NXPH2: variants seen among roughly 807,000 people sequenced by gnomAD.
NXPH2 encodes neurexophilin-2.
A neutral mutation model predicts 19.8 loss-of-function variants in NXPH2; 5 were observed. The ratio of observed to expected loss-of-function variants is 0.25; its 90% CI spans 0.13 to 0.53. The LOEUF (loss-of-function observed/expected upper bound fraction) is 0.53, where lower values mean the gene tolerates loss of function less well. Ranked by LOEUF, NXPH2 falls within the 20% of genes least tolerant of loss-of-function variation. The pLI is 0.96. For missense variants in NXPH2, 289 were observed against 322.8 expected (o/e 0.90, Z 0.80); for synonymous variants, 154 against 127.4 (o/e 1.21, Z -1.41).
At chr2:138,697,723 A>C (rs554336349) in intron 1 of NXPH2, among the ~76,000 whole-genome samples, 5 of 151,848 alleles carry the variant, frequency 3.3e-5, no homozygotes, top group African/African-American at 1.2e-4. Flanking sequence ...AAAATAATGC[A>C]ATATGTTTGA....
At chr2:138,745,494 G>C (rs1372340105) in intron 1 of NXPH2, among the ~76,000 whole-genome samples, 2 of 9,624 alleles carry the variant, frequency 2.1e-4, no homozygotes, top group African/African-American at 6.4e-4. Flanking sequence ...TTTTTTTGGC[G>C]GGGGGGGGGG....
intron 1 of NXPH2, among the ~76,000 whole-genome samples, chr2:138,763,893 G>A (rs921208345): frequency 1.3e-5 from 2 of 152,154 alleles, no homozygotes; most frequent in Non-Finnish European, 2.9e-5. Flanking sequence ...TGTCAAGGGA[G>A]TTACTGAGTG....
intron 1 of NXPH2, among the ~76,000 whole-genome samples, chr2:138,741,279 C>A (rs1024804780): frequency 6.6e-6 from 1 of 152,122 alleles, no homozygotes; most frequent in Non-Finnish European, 1.5e-5. Flanking sequence ...TCTGGCCAAG[C>A]GACTGCTGGC....
At chr2:138,775,869 C>T (rs1682253087) in intron 1 of NXPH2, among the ~76,000 whole-genome samples, 1 of 152,120 alleles carries the variant, frequency 6.6e-6, no homozygotes. Context: ...CAGCTTCTAA[C>T]CAGCAATAAT....
At chr2:138,770,717 A>C (rs1394206181) in intron 1 of NXPH2, among the ~76,000 whole-genome samples, 1 of 152,122 alleles carries the variant, frequency 6.6e-6, no homozygotes, top group Admixed American at 6.5e-5. Context: ...CATAAAAAAG[A>C]TATCCATAAC....
At chr2:138,746,714 T>C (rs2105009408) in intron 1 of NXPH2, among the ~76,000 whole-genome samples, 1 of 152,310 alleles carries the variant, frequency 6.6e-6, no homozygotes, top group Admixed American at 6.5e-5. Flanking sequence ...CCTCTCTTAC[T>C]TAAAGCTCCA....
At chr2:138,754,241 A>G (rs1681867328) in intron 1 of NXPH2, among the ~76,000 whole-genome samples, 1 of 152,200 alleles carries the variant, frequency 6.6e-6, no homozygotes. Context: ...GGAAAATTGT[A>G]TGGACTTTAA....
At chr2:138,680,678 A>G (rs1414497398) in intron 1 of NXPH2, among the ~76,000 whole-genome samples, 1 of 152,210 alleles carries the variant, frequency 6.6e-6, no homozygotes, top group Admixed American at 6.5e-5. Context: ...AGGGTAAGCA[A>G]CAGGGCAGGG....
chr2:138,710,543 A>G (rs567935786), intron 1 of NXPH2, among the ~76,000 whole-genome samples: 1 of 152,178 alleles, frequency 6.6e-6, no homozygotes, highest in Non-Finnish European at 1.5e-5. Flanking sequence ...CAAGGGTTCC[A>G]GTTTGCAGCT....
At chr2:138,704,437 A>G (rs990039888) in intron 1 of NXPH2, among the ~76,000 whole-genome samples, 1 of 152,218 alleles carries the variant, frequency 6.6e-6, no homozygotes, top group African/African-American at 2.4e-5. Context: ...TTGATATTAG[A>G]ACATTATTTA....
chr2:138,712,563 G>A (rs1007189175), intron 1 of NXPH2, among the ~76,000 whole-genome samples: 1 of 152,060 alleles, frequency 6.6e-6, no homozygotes. Context: ...CCCCAAATTC[G>A]GTGGCAGCAC....
intron 1 of NXPH2, among the ~76,000 whole-genome samples, chr2:138,721,339 G>GA (rs141871590): frequency 2.6e-3 from 369 of 140,700 alleles, no homozygotes; most frequent in Admixed American, 6.9e-3. Flanking sequence ...GACTCCGTCT[G>GA]AAAAAAAAAA....
intron 1 of NXPH2, among the ~76,000 whole-genome samples, chr2:138,720,268 T>C (rs191345785): frequency 3.9e-5 from 6 of 152,362 alleles, no homozygotes; most frequent in Admixed American, 2.6e-4. Flanking sequence ...TGGGAGAGTC[T>C]TGTCTTCTTA....
At chr2:138,742,010 A>C (rs1681651513) in intron 1 of NXPH2, among the ~76,000 whole-genome samples, 1 of 152,218 alleles carries the variant, frequency 6.6e-6, no homozygotes, top group African/African-American at 2.4e-5. Context: ...AGTCAATTCC[A>C]TGCCATCATT....
intron 1 of NXPH2, among the ~76,000 whole-genome samples, chr2:138,736,295 C>A (rs1356373700): frequency 6.6e-6 from 1 of 152,234 alleles, no homozygotes; most frequent in Non-Finnish European, 1.5e-5. Flanking sequence ...CCTGGGCATC[C>A]AAGCATTTCC....
chr2:138,713,412 T>C (rs1681135689), intron 1 of NXPH2, among the ~76,000 whole-genome samples: 1 of 152,192 alleles, frequency 6.6e-6, no homozygotes, highest in Non-Finnish European at 1.5e-5. Context: ...GGAGACAAGA[T>C]AAAAGCCCAG....
At chr2:138,724,412 G>C (rs1361903538) in intron 1 of NXPH2, among the ~76,000 whole-genome samples, 5 of 152,316 alleles carry the variant, frequency 3.3e-5, no homozygotes, top group Non-Finnish European at 5.9e-5. Flanking sequence ...ATGAACTCAG[G>C]TCTGATCACC....
chr2:138,757,597 T>C (rs1681931322), intron 1 of NXPH2, among the ~76,000 whole-genome samples: 1 of 152,112 alleles, frequency 6.6e-6, no homozygotes, highest in Non-Finnish European at 1.5e-5. Flanking sequence ...CCTTCCTGAC[T>C]GCCTGCCCTG....
chr2:138,686,630 C>A (rs1398599861), intron 1 of NXPH2, among the ~76,000 whole-genome samples: 1 of 152,036 alleles, frequency 6.6e-6, no homozygotes, highest in African/African-American at 2.4e-5. Flanking sequence ...TATACATGTG[C>A]CATGTTGGTG....
Sources: gnomAD v4.1 joint callset for allele counts (sites outside exome capture counted in the v4.1 genomes callset) on GRCh38, gnomAD v4.1.1 for gene constraint, MANE v1.5 for transcripts, NCBI Gene and HGNC (gene_info 2026-07-23, HGNC 2026-07-21) for gene names.